ATP8A2: variants seen among roughly 807,000 people sequenced by gnomAD.
ATP8A2 encodes phospholipid-transporting ATPase IB.
A neutral mutation model predicts 165.6 loss-of-function variants in ATP8A2; 100 were observed. The ratio of observed to expected loss-of-function variants is 0.60; its 90% CI spans 0.51 to 0.71. The LOEUF is 0.71. ATP8A2 is among the 30% of genes least tolerant of loss of function. The probability of loss-of-function intolerance (pLI) is 0.00; values close to 1 mark genes in which losing one functional copy is unlikely to be tolerated. For missense variants in ATP8A2, 1,227 were observed against 1,479.5 expected (o/e 0.83, Z 2.80); for synonymous variants, 543 against 548.8 (o/e 0.99, Z 0.15).
At chr13:25,457,886 A>C (rs1425549681) in intron 1 of ATP8A2, among the ~76,000 whole-genome samples, 1 of 152,234 alleles carries the variant, frequency 6.6e-6, no homozygotes, top group Non-Finnish European at 1.5e-5. Context: ...GTGTCAGTGG[A>C]GTTGGGAACA....
intron 25 of ATP8A2, among the ~76,000 whole-genome samples, chr13:25,758,618 A>C (rs1459392392): frequency 2.6e-5 from 4 of 152,214 alleles, no homozygotes; most frequent in African/African-American, 9.6e-5. Context: ...TCCTCTCTAT[A>C]GGCAGGCCCC....
intron 13 of ATP8A2, among the ~76,000 whole-genome samples, chr13:25,557,593 G>A (rs1289604995): frequency 6.6e-6 from 1 of 152,156 alleles, no homozygotes; most frequent in African/African-American, 2.4e-5. Context: ...GTGATGTAGT[G>A]TCCATTTCTC....
chr13:25,699,237 A>G lies in ATP8A2; in HGVS notation c.2276A>G (p.Asp759Gly). ...DLGNLLGKEN[D>G]VALIIDGHTL... ...GGGAATTTGCTGGGCAAGGAAAATG[A>G]CGTGGCCCTGATCATCGATGGCCAC... Residue 759 changes from aspartate (D) to glycine (G), a missense_variant, in exon 25 of 37, where the codon GAC becomes GGC. Transcript: ENST00000381655. 1 of 1,613,636 alleles carries G rather than the reference A, an allele frequency of 6.2e-7. No individual in the cohort carries two copies. Among genetic ancestry groups the G allele is most frequent in the African/African-American group, 1.3e-5 (1 of 75,058 alleles).
rs114895701 is a variant in ATP8A2, at chr13:25,805,320, G to A, written c.2680-22798G>A. On this transcript the variant is annotated intron_variant, in intron 27 of 36. Transcript: ENST00000381655. ...GCCTAGGAGTTCGATACCAGCCTGCGCAACATGGCAAAAATCTATCTCTAT... is the reference window on the plus strand; with the variant it reads ...GCCTAGGAGTTCGATACCAGCCTGCACAACATGGCAAAAATCTATCTCTAT... 4.6e-3 allele frequency among the ~76,000 whole-genome samples: 692 copies of A among 151,988 alleles called. 4 individuals carry two copies. The highest frequency in any genetic ancestry group is 0.016 in the African/African-American group (651 of 41,478).
intron 33 of ATP8A2, chr13:25,871,166 A>C (rs1376480665): frequency 5.1e-6 from 2 of 395,572 alleles, no homozygotes; most frequent in Non-Finnish European, 9.8e-6. Context: ...ATTCATTCTG[A>C]TGTTAATTTT....
At chr13:25,868,252 G>A (rs1480701952) in intron 33 of ATP8A2, 1 of 357,646 alleles carries the variant, frequency 2.8e-6, no homozygotes, top group Non-Finnish European at 5.6e-6. Flanking sequence ...CTTTAGCACT[G>A]CAATTATTAG....
chr13:26,009,398 G>C (rs1956799619), intron 35 of ATP8A2, among the ~76,000 whole-genome samples: 2 of 152,210 alleles, frequency 1.3e-5, no homozygotes, highest in African/African-American at 2.4e-5. Context: ...CAGAACCCCA[G>C]CTCTGCCCTG....
intron 25 of ATP8A2, among the ~76,000 whole-genome samples, chr13:25,701,046 T>C (rs1023600127): frequency 1.1e-4 from 16 of 152,318 alleles, no homozygotes; most frequent in African/African-American, 3.8e-4. Context: ...TTGGATTATC[T>C]TTTTATTATT....
At chr13:25,454,577 G>T (rs1010857508) in intron 1 of ATP8A2, among the ~76,000 whole-genome samples, 2 of 152,182 alleles carry the variant, frequency 1.3e-5, no homozygotes, top group African/African-American at 2.4e-5. Context: ...CATCCGATGG[G>T]ACCCTCTCAT....
intron 33 of ATP8A2, among the ~76,000 whole-genome samples, chr13:25,895,627 C>T (rs562522336): frequency 3.0e-4 from 45 of 152,228 alleles, no homozygotes; most frequent in African/African-American, 1.0e-3. Context: ...CCTCCTTGTA[C>T]CTCTGGTAGA....
intron 25 of ATP8A2, chr13:25,705,124 C>T (rs1229497124): frequency 2.4e-6 from 1 of 420,112 alleles, no homozygotes; most frequent in Non-Finnish European, 4.7e-6. Context: ...GTTATCTGTT[C>T]TTTCTTCCCC....
intron 32 of ATP8A2, among the ~76,000 whole-genome samples, 182 bp downstream of exon 32, chr13:25,861,042 A>T (rs896859386): frequency 6.6e-6 from 1 of 152,152 alleles, no homozygotes; most frequent in East Asian, 1.9e-4. Flanking sequence ...TTGGTGATTC[A>T]TTTGCTTGGC....
chr13:25,413,226 A>G (rs868327807), intron 1 of ATP8A2, among the ~76,000 whole-genome samples: 1 of 151,352 alleles, frequency 6.6e-6, no homozygotes, highest in African/African-American at 2.4e-5. Flanking sequence ...AGTTTTGGTG[A>G]GAATATCTTT....
intron 33 of ATP8A2, among the ~76,000 whole-genome samples, chr13:25,951,756 A>G (rs1295598888): frequency 6.6e-6 from 1 of 152,204 alleles, no homozygotes; most frequent in Non-Finnish European, 1.5e-5. Flanking sequence ...TTGTGGTTTC[A>G]AAATAGCAAG....
At chr13:25,540,278 A>G (rs1169194798) in intron 7 of ATP8A2, 41 bp from the exon 8 acceptor site, 1 of 1,436,404 alleles carries the variant, frequency 7.0e-7, no homozygotes, top group South Asian at 1.1e-5. Flanking sequence ...ATTTGTGGAA[A>G]GGACCTTATG....
intron 33 of ATP8A2, among the ~76,000 whole-genome samples, chr13:25,941,295 G>T (rs1040222202): frequency 1.3e-5 from 2 of 152,144 alleles, no homozygotes; most frequent in African/African-American, 4.8e-5. Context: ...CTGCCTTGGT[G>T]ACTGTTCCCT....
chr13:25,652,252 T>C (rs1004714361), intron 24 of ATP8A2, among the ~76,000 whole-genome samples: 1 of 152,206 alleles, frequency 6.6e-6, no homozygotes, highest in Non-Finnish European at 1.5e-5. Context: ...GATTTAAATA[T>C]ATTTATTTTC....
Position 25,780,072 on chromosome 13 carries a change from G to A in ATP8A2, c.2679+5113G>A, listed in dbSNP as rs116997530. 7.6e-3 allele frequency among the ~76,000 whole-genome samples: 1,153 copies of A among 152,242 alleles called. 9 individuals carry two copies. Among genetic ancestry groups the A allele is most frequent in the Non-Finnish European group, 0.011 (748 of 68,012 alleles). On this transcript the variant is annotated intron_variant, in intron 27 of 36. Transcript: ENST00000381655. ...GGACTTTCTGAACCTCTGGGAAAAG[G>A]TTATTTGGAATAGATAACATTTTTA... is the stretch of plus-strand genomic sequence containing the variant.
At chr13:25,533,378 C>A in intron 6 of ATP8A2, 65 bp downstream of exon 6, 1 of 901,926 alleles carries the variant, frequency 1.1e-6, no homozygotes, top group South Asian at 1.5e-5. Flanking sequence ...AATTGCTGGT[C>A]TTGATTGCAG....
Sources: allele counts gnomAD v4.1 joint callset (sites outside exome capture counted in the v4.1 genomes callset), GRCh38; gene constraint gnomAD v4.1.1; transcripts MANE v1.5; gene names NCBI Gene and HGNC (gene_info 2026-07-23, HGNC 2026-07-21).